The following CRYBG1 variants were observed in gnomAD, a reference collection of about 807,000 sequenced individuals.
CRYBG1 encodes crystallin beta-gamma domain containing 1, also known as beta/gamma crystallin domain-containing protein 1.
Under a neutral mutation model 189.2 loss-of-function variants are expected in CRYBG1, and 139 were observed. That is an observed-to-expected ratio of 0.73 (90% CI 0.64 to 0.85). CRYBG1 has a LOEUF of 0.85. Among genes scored for constraint, CRYBG1 ranks in the 40% least tolerant of loss-of-function variants. The pLI, the probability that CRYBG1 is intolerant of heterozygous loss-of-function variation, is 0.00. For synonymous variants in CRYBG1, 1,023 were observed against 1,017.1 expected, an observed-to-expected ratio of 1.01 and a Z score of -0.11; for missense variants, 2,611 against 2,675.8, an observed-to-expected ratio of 0.98 and a Z score of 0.53.
chr6:106,465,744 A>G (rs1271651165), intron 2 of CRYBG1, among the ~76,000 whole-genome samples: 1 of 152,234 alleles, frequency 6.6e-6, no homozygotes, highest in Non-Finnish European at 1.5e-5. Flanking sequence ...AAACTGTATC[A>G]CATTGTTATC....
rs200123421 is a variant in CRYBG1 at position 106,543,492 on chromosome 6, C to T, written c.4934C>T (p.Thr1645Ile). ...FFEGKCVELETGMCSFVMEGG... is the reference protein window; with the variant it reads ...FFEGKCVELEIGMCSFVMEGG... ...GAAGGAAAATGTGTGGAACTAGAAA[C>T]AGGAATGTGTAGTTTTGTCATGGAG... Residue 1645 changes from threonine (T) to isoleucine (I), a missense_variant, in exon 11 of 22, where the codon ACA becomes ATA. This residue lies in a region of CRYBG1 where 1,622 missense variants were observed against 1,735.0 expected (regional missense o/e 0.93). Transcript: ENST00000633556. 495 of 1,613,832 alleles carry T rather than the reference C, an allele frequency of 3.1e-4. No homozygotes were observed. The highest frequency in any genetic ancestry group is 8.2e-4 in the Middle Eastern group (5 of 6,082).
At chr6:106,530,943 A>C (rs1773865045) in intron 8 of CRYBG1, among the ~76,000 whole-genome samples, 1 of 152,242 alleles carries the variant, frequency 6.6e-6, no homozygotes, top group Non-Finnish European at 1.5e-5. Flanking sequence ...TTTCTATTTG[A>C]TTAAAGTCTC....
chr6:106,512,444 A>G lies in CRYBG1; in HGVS notation c.1327A>G (p.Arg443Gly). The change falls in exon 3 of 22, where the codon AGG (arginine) becomes GGG (glycine). Residue 443 changes from arginine to glycine, a missense_variant. Physicochemically the swap from Arg to Gly is moderately radical, Grantham distance 125. Around this residue, in one of 3 missense-constraint regions of CRYBG1, gnomAD observed 985 missense variants for 924.4 expected, o/e 1.07. Coordinates refer to ENST00000633556, the MANE Select transcript of CRYBG1 (RefSeq NM_001371242.2). ...ADAELPESAA[R>G]DDAVFDDEVA... ...CGCCGAGCTCCCTGAGAGCGCTGCC[A>G]GGGACGACGCGGTGTTCGACGACGA... 1 of 1,610,410 alleles carries G rather than the reference A, an allele frequency of 6.2e-7. No homozygotes were observed. The highest frequency in any genetic ancestry group is 8.5e-7 in the Non-Finnish European group (1 of 1,178,894).
intron 14 of CRYBG1, 57 bp from the exon 15 acceptor site, chr6:106,552,127 T>A: frequency 6.6e-7 from 1 of 1,507,106 alleles, no homozygotes; most frequent in South Asian, 1.2e-5. Flanking sequence ...AGAAAAAAAC[T>A]TTTTCAATGT....
intron 21 of CRYBG1, among the ~76,000 whole-genome samples, chr6:106,567,032 G>A (rs1380887075): frequency 6.6e-6 from 1 of 152,030 alleles, no homozygotes; most frequent in Non-Finnish European, 1.5e-5. Flanking sequence ...CTCTCCAAAG[G>A]CAAGAGAATG....
At chr6:106,567,534 G>A (rs934799542) in intron 21 of CRYBG1, among the ~76,000 whole-genome samples, 1 of 152,138 alleles carries the variant, frequency 6.6e-6, no homozygotes, top group Non-Finnish European at 1.5e-5. Flanking sequence ...CTTGATCCAA[G>A]GAGGAAGCAT....
chr6:106,560,089 C>A (rs1397736237), intron 18 of CRYBG1, among the ~76,000 whole-genome samples: 1 of 151,680 alleles, frequency 6.6e-6, no homozygotes, highest in Non-Finnish European at 1.5e-5. Flanking sequence ...GTGAGACCTA[C>A]CTGGAAAAAA....
In CRYBG1 at chr6:106,400,683, A is replaced by G. The variant is rs534170663; in HGVS notation, c.173+39602A>G. ...GGCACTATACCAGAAGTAAGAAAAA[A>G]TGAATATGATACAATTCCTGCCTAC... On this transcript the variant is annotated intron_variant, in intron 1 of 21. Transcript: ENST00000633556. 2.6e-5 allele frequency among the ~76,000 whole-genome samples: 4 copies of G among 152,364 alleles called. No homozygotes were observed. In the East Asian group the frequency reaches 7.7e-4, roughly 29 times the overall value.
chr6:106,527,585 T>G (rs1352127700), intron 7 of CRYBG1, 115 bp downstream of exon 7: 2 of 1,057,954 alleles, frequency 1.9e-6, no homozygotes, highest in African/African-American at 1.6e-5. Flanking sequence ...TGGTGCCTTA[T>G]GGATATATTT....
At chr6:106,377,337 T>C (rs1255702073) in intron 1 of CRYBG1, among the ~76,000 whole-genome samples, 1 of 152,154 alleles carries the variant, frequency 6.6e-6, no homozygotes, top group Non-Finnish European at 1.5e-5. Flanking sequence ...AACAATAACC[T>C]TTTCTTACTT....
At chr6:106,418,245 A>G (rs547015593) in intron 1 of CRYBG1, among the ~76,000 whole-genome samples, 43 of 152,368 alleles carry the variant, frequency 2.8e-4, no homozygotes, top group Middle Eastern at 6.8e-3. Flanking sequence ...AGGGCAGGCC[A>G]TAGCTAGTAT....
chr6:106,519,192 G>C lies in CRYBG1; in HGVS notation c.1984G>C (p.Gly662Arg). ...AACCCCTAAGAATCTTGACAGTTTGGGAAATGAGCACAATCCATTTAGCCA... is the reference window on the plus strand; with the variant it reads ...AACCCCTAAGAATCTTGACAGTTTGCGAAATGAGCACAATCCATTTAGCCA... ...LKTPKNLDSLGNEHNPFSQPV... is the reference protein window; with the variant it reads ...LKTPKNLDSLRNEHNPFSQPV... Residue 662 changes from glycine to arginine, a missense_variant, in exon 4 of 22, where the codon GGA becomes CGA. Around this residue, in one of 3 missense-constraint regions of CRYBG1, gnomAD observed 985 missense variants for 924.4 expected, o/e 1.07. Transcript: ENST00000633556. 6.2e-7 allele frequency: 1 copy of C among 1,614,072 alleles called. No homozygotes were observed. The highest frequency in any genetic ancestry group is 8.5e-7 in the Non-Finnish European group (1 of 1,180,024).
At chr6:106,509,375 C>T (rs1416461713) in intron 2 of CRYBG1, among the ~76,000 whole-genome samples, 3 of 152,198 alleles carry the variant, frequency 2.0e-5, no homozygotes, top group Non-Finnish European at 4.4e-5. Flanking sequence ...TAGGAAGTTA[C>T]AATATTTTAA....
intron 1 of CRYBG1, among the ~76,000 whole-genome samples, chr6:106,367,248 C>A (rs533207822): frequency 1.3e-4 from 20 of 152,280 alleles, no homozygotes; most frequent in African/African-American, 4.8e-4. Flanking sequence ...TTTAGTAAGA[C>A]CTTCGAAACT....
rs186608317 is a variant in CRYBG1, at chr6:106,421,513, G to A, written c.174-30181G>A. 1.1e-3 allele frequency among the ~76,000 whole-genome samples: 174 copies of A among 152,224 alleles called. 1 individual carries two copies. The highest frequency in any genetic ancestry group is 2.7e-3 in the African/African-American group (111 of 41,528). ...ATACTCTCTTTAGGAATTTGGGTTCGGAGGGCTTTTAGTACCACTAGAGCT... is the reference window on the plus strand; with the variant it reads ...ATACTCTCTTTAGGAATTTGGGTTCAGAGGGCTTTTAGTACCACTAGAGCT... On this transcript the variant is annotated intron_variant, in intron 1 of 21. Coordinates refer to ENST00000633556, the MANE Select transcript of CRYBG1 (RefSeq NM_001371242.2).
intron 1 of CRYBG1, among the ~76,000 whole-genome samples, chr6:106,368,809 C>G (rs3844148): frequency 0.21 from 32,083 of 151,856 alleles, 3,837 homozygotes; most frequent in Non-Finnish European, 0.27. Context: ...AGTGTGGTTA[C>G]TGAGATACTG....
At chr6:106,385,254 C>T (rs1770361625) in intron 1 of CRYBG1, among the ~76,000 whole-genome samples, 1 of 152,172 alleles carries the variant, frequency 6.6e-6, no homozygotes, top group African/African-American at 2.4e-5. Flanking sequence ...TCCATCTCCT[C>T]TCAGAGCTGC....
intron 1 of CRYBG1, among the ~76,000 whole-genome samples, chr6:106,391,964 TGTGTGTGCGTGC>T (rs1305920763): frequency 2.3e-5 from 1 of 43,190 alleles, no homozygotes; most frequent in Non-Finnish European, 4.6e-5. Flanking sequence ...TGTGTGTGTG[TGTGTGTGCGTGC>T]GCGTTTCCTG....
intron 3 of CRYBG1, among the ~76,000 whole-genome samples, chr6:106,517,407 C>A (rs1773459549): frequency 7.0e-6 from 1 of 142,426 alleles, no homozygotes; most frequent in Non-Finnish European, 1.5e-5. Flanking sequence ...TATATACACA[C>A]ACACATATAT....
Sources: allele counts gnomAD v4.1 joint callset (sites outside exome capture counted in the v4.1 genomes callset), GRCh38; gene constraint gnomAD v4.1.1; regional missense constraint gnomAD v4.1.1; transcripts MANE v1.5; gene names NCBI Gene and HGNC (gene_info 2026-07-23, HGNC 2026-07-21).